The following DERA variants were observed in gnomAD, a reference collection of about 807,000 sequenced individuals.
DERA encodes the protein deoxyribose-phosphate aldolase.
DERA carries 15 observed loss-of-function variants against 41.1 expected under a neutral mutation model. The observed-to-expected ratio is 0.37, with a 90% CI of 0.24 to 0.56. DERA has a LOEUF of 0.56. Among genes scored for constraint, DERA ranks in the 20% least tolerant of loss-of-function variants. The pLI, the probability that DERA is intolerant of heterozygous loss-of-function variation, is 0.81. For synonymous variants in DERA, 139 were observed against 137.4 expected (o/e 1.01, Z -0.08); for missense variants, 396 against 403.4 (o/e 0.98, Z 0.16).
At chr12:15,927,076 T>C (rs1948292191) in intron 1 of DERA, among the ~76,000 whole-genome samples, 1 of 152,246 alleles carries the variant, frequency 6.6e-6, no homozygotes. Flanking sequence ...TAACACATGA[T>C]ACTGATCAAG....
chr12:15,966,219 C>T lies in DERA; in HGVS notation c.508+3272C>T, dbSNP rs771956240. On this transcript the variant is annotated intron_variant, in intron 5 of 8. Transcript: ENST00000428559. This position sits in a 1 kb window ranked among gnomAD's most constrained non-coding sequence, Gnocchi z 5.1. ...GCCCTAAGCTCTGGTTCCGCAGCAACGCTCTGGAGTGAGGCGTCCTCCTCA... is the reference window on the plus strand; with the variant it reads ...GCCCTAAGCTCTGGTTCCGCAGCAATGCTCTGGAGTGAGGCGTCCTCCTCA... Among the ~76,000 whole-genome samples, 6 of 152,086 alleles carry T rather than the reference C, an allele frequency of 3.9e-5. No homozygotes were observed. In the East Asian group the frequency reaches 9.7e-4, roughly 25 times the overall value.
intron 1 of DERA, among the ~76,000 whole-genome samples, chr12:15,919,174 T>C (rs914890249): frequency 4.6e-5 from 7 of 152,150 alleles, no homozygotes; most frequent in Admixed American, 6.5e-5. Context: ...ATTTGATAAA[T>C]AGAAAAACTA....
chr12:15,938,833 CT>C lies in DERA; in HGVS notation c.32-18102del, dbSNP rs1948390070. ...GTTTATGATCCTTTGGGATATTTTG[CT>C]AATTCAAATACTGTAAAATTAAAAG... On this transcript the variant is annotated intron_variant, in intron 1 of 8. Coordinates refer to ENST00000428559, the MANE Select transcript of DERA (RefSeq NM_015954.4). This position sits in a 1 kb window ranked among gnomAD's most constrained non-coding sequence, Gnocchi z 4.1. Among the ~76,000 whole-genome samples, 1 of 152,158 alleles carries C rather than the reference CT, an allele frequency of 6.6e-6. No homozygotes were observed.
chr12:15,956,740 G>T (rs1039158954), intron 1 of DERA, 196 bp from the exon 2 acceptor site: 2 of 663,704 alleles, frequency 3.0e-6, no homozygotes, highest in Non-Finnish European at 5.6e-6. Flanking sequence ...GAGTGATTTT[G>T]CATGAAGTAT....
chr12:15,923,056 T>C (rs1948256340), intron 1 of DERA, among the ~76,000 whole-genome samples: 1 of 135,384 alleles, frequency 7.4e-6, no homozygotes. Flanking sequence ...GGAGTCTCGC[T>C]CTGTCGCCCA....
At chr12:15,971,438 C>G (rs1371453142) in intron 5 of DERA, among the ~76,000 whole-genome samples, 1 of 150,372 alleles carries the variant, frequency 6.7e-6, no homozygotes, top group Non-Finnish European at 1.5e-5. Flanking sequence ...CAAGAAAACA[C>G]TAAGTCCCAC....
chr12:16,018,294 C>G lies in DERA; in HGVS notation c.638-14248C>G, dbSNP rs572822223. ...TTGAAGCTAGTAATTTTATTTTCCT[C>G]TCTTTGCAGTCTCTGAGGTTCGCAA... On this transcript the variant is annotated intron_variant, in intron 6 of 8. Coordinates refer to ENST00000428559, the MANE Select transcript of DERA (RefSeq NM_015954.4). Among the ~76,000 whole-genome samples the G allele has an allele frequency of 4.1e-3, 626 of 152,216 alleles. 5 individuals are homozygous for G. The highest frequency in any genetic ancestry group is 0.014 in the African/African-American group (582 of 41,558).
Position 15,931,237 on chromosome 12 carries a change from C to T in DERA, c.31+19823C>T, listed in dbSNP as rs1019579957. On this transcript the variant is annotated intron_variant, in intron 1 of 8. Coordinates refer to ENST00000428559, the MANE Select transcript of DERA (RefSeq NM_015954.4). This position sits in a 1 kb window ranked among gnomAD's most constrained non-coding sequence, Gnocchi z 4.6. The stretch of plus-strand genomic sequence containing the variant: ...TTTAGGAATAACATTTTCAGTTGAC[C>T]GATAGTATAAATTCAATAAGTAACA... Among the ~76,000 whole-genome samples the T allele has an allele frequency of 2.6e-5, 4 of 152,110 alleles. No homozygotes were observed. Among genetic ancestry groups the T allele is most frequent in the East Asian group, 1.9e-4 (1 of 5,176 alleles).
Position 15,996,571 on chromosome 12 carries a change from C to G in DERA, c.637+14135C>G, listed in dbSNP as rs377092860. Among the ~76,000 whole-genome samples, 21 of 152,206 alleles carry G rather than the reference C, an allele frequency of 1.4e-4. 1 individual carries two copies. In the East Asian group the frequency reaches 2.9e-3, roughly 21 times the overall value. Reference sequence around the variant, plus strand: ...ATAAGGAAACCAGTAATGTAATGGCCCACCTTACTCAGTATGACCTTATCT... The same window carrying G: ...ATAAGGAAACCAGTAATGTAATGGCGCACCTTACTCAGTATGACCTTATCT... On this transcript the variant is annotated intron_variant, in intron 6 of 8. Transcript: ENST00000428559. This position sits in a 1 kb window ranked among gnomAD's most constrained non-coding sequence, Gnocchi z 4.7.
intron 1 of DERA, among the ~76,000 whole-genome samples, chr12:15,912,436 G>A (rs1370135312): frequency 1.3e-5 from 2 of 152,190 alleles, no homozygotes; most frequent in Non-Finnish European, 2.9e-5. Context: ...CCATGATCAA[G>A]AGAAGGTTTA....
At chr12:15,980,388 C>G (rs766173110) in intron 5 of DERA, among the ~76,000 whole-genome samples, 3 of 152,198 alleles carry the variant, frequency 2.0e-5, no homozygotes, top group Non-Finnish European at 4.4e-5. Context: ...TTAATTAAAT[C>G]ACAAGTTAAC....
chr12:15,987,230 CTTTTTTTTTTT>C (rs995016192), intron 6 of DERA, among the ~76,000 whole-genome samples: 6 of 85,350 alleles, frequency 7.0e-5, no homozygotes, highest in African/African-American at 2.3e-4. Context: ...TATATATGTA[CTTTTTTTTTTT>C]TTTTTTTTTT....
intron 1 of DERA, among the ~76,000 whole-genome samples, chr12:15,948,337 C>T (rs1948467809): frequency 6.6e-6 from 1 of 152,222 alleles, no homozygotes; most frequent in Non-Finnish European, 1.5e-5. Context: ...CTTTCAGGTA[C>T]ACCAATCAGG....
At position 16,004,114 on chromosome 12, in the gene DERA, T is replaced by C. The variant is rs180787857; in HGVS notation, c.637+21678T>C. 6.2e-4 allele frequency among the ~76,000 whole-genome samples: 94 copies of C among 152,366 alleles called. No individual in the cohort carries two copies. Among genetic ancestry groups the C allele is most frequent in the Non-Finnish European group, 1.0e-3 (71 of 68,028 alleles). On this transcript the variant is annotated intron_variant, in intron 6 of 8. Coordinates refer to ENST00000428559, the MANE Select transcript of DERA (RefSeq NM_015954.4). The surrounding 1 kb of genome is among the most constrained non-coding windows in gnomAD (Gnocchi z 4.2). ...AGCCGGCTGTGAATTTACAAACTTT[T>C]GGAATGCAATCTATTTCTAGGTTGG...
Position 15,967,810 on chromosome 12 carries a change from T to A in DERA, c.508+4863T>A, listed in dbSNP as rs1318385318. Among the ~76,000 whole-genome samples, 1 of 152,238 alleles carries A rather than the reference T, an allele frequency of 6.6e-6. No individual in the cohort carries two copies. Among genetic ancestry groups the A allele is most frequent in the East Asian group, 1.9e-4 (1 of 5,190 alleles). On this transcript the variant is annotated intron_variant, in intron 5 of 8. Coordinates refer to ENST00000428559, the MANE Select transcript of DERA (RefSeq NM_015954.4). The surrounding 1 kb of genome is among the most constrained non-coding windows in gnomAD (Gnocchi z 4.9). ...AACGTGGATAACTACATTTCTCACT[T>A]ACCACCATAGTTTTAACCCTATAGG...
At position 15,993,653 on chromosome 12, in the gene DERA, A is replaced by T. The variant is rs573979419; in HGVS notation, c.637+11217A>T. Among the ~76,000 whole-genome samples, 5 of 152,286 alleles carry T rather than the reference A, an allele frequency of 3.3e-5. No individual in the cohort carries two copies. In the East Asian group the frequency reaches 9.6e-4, roughly 29 times the overall value. On this transcript the variant is annotated intron_variant, in intron 6 of 8. Coordinates refer to ENST00000428559, the MANE Select transcript of DERA (RefSeq NM_015954.4). The surrounding 1 kb of genome is among the most constrained non-coding windows in gnomAD (Gnocchi z 4.4). ...AGTGTACATTTATTTACAGTTCCTT[A>T]AACTAGCCCTGGAAATTAGACTACT...
intron 5 of DERA, among the ~76,000 whole-genome samples, chr12:15,975,851 C>G (rs12368628): frequency 0.24 from 36,486 of 152,196 alleles, 4,881 homozygotes; most frequent in Admixed American, 0.36. Context: ...TTGACTTTGT[C>G]TGCTCCAGCT....
intron 6 of DERA, among the ~76,000 whole-genome samples, chr12:16,027,015 C>T (rs1949057930): frequency 6.6e-6 from 1 of 152,094 alleles, no homozygotes; most frequent in Non-Finnish European, 1.5e-5. Flanking sequence ...TAATGTAATC[C>T]ATATCAGTAA....
intron 1 of DERA, among the ~76,000 whole-genome samples, chr12:15,923,314 G>A (rs1157124062): frequency 5.9e-5 from 9 of 152,074 alleles, no homozygotes; most frequent in African/African-American, 2.2e-4. Context: ...GAGCCACCGC[G>A]CCCGGCCTGT....
Sources: gnomAD v4.1 joint callset for allele counts (sites outside exome capture counted in the v4.1 genomes callset) on GRCh38, gnomAD v4.1.1 for gene constraint, Gnocchi (gnomAD v3.1) non-coding constraint, MANE v1.5 for transcripts, NCBI Gene and HGNC (gene_info 2026-07-23, HGNC 2026-07-21) for gene names.